Variants in PCNX2 observed in about 807,000 individuals in gnomAD.
PCNX2 encodes the protein pecanex 2, also known as pecanex-like protein 2.
A neutral mutation model predicts 223.8 loss-of-function variants in PCNX2; 168 were observed. The observed-to-expected ratio is 0.75, with a 90% CI of 0.66 to 0.85. The LOEUF (loss-of-function observed/expected upper bound fraction) is 0.85, where lower values mean the gene tolerates loss of function less well. Among genes scored for constraint, PCNX2 ranks in the 40% least tolerant of loss-of-function variants. PCNX2 has a pLI of 0.00. For missense variants in PCNX2, 2,507 were observed against 2,675.5 expected (o/e 0.94, Z 1.39); for synonymous variants, 1,006 against 1,052.6 (o/e 0.96, Z 0.86).
chr1:233,295,038 G>A lies in PCNX2; in HGVS notation c.153+288C>T, dbSNP rs138972087. On this transcript the variant is annotated intron_variant, in intron 1 of 33. Coordinates refer to ENST00000258229, the MANE Select transcript of PCNX2 (RefSeq NM_014801.4). This position sits in a 1 kb window ranked among gnomAD's most constrained non-coding sequence, Gnocchi z 4.1. ...GAGTTACCCACCTACAAAACAGGCT[G>A]CACGCTCCCTGCCACAAGCAGAGTG... Among the ~76,000 whole-genome samples the A allele has an allele frequency of 1.0e-3, 158 of 152,168 alleles. 1 individual carries two copies. The highest frequency in any genetic ancestry group is 3.7e-3 in the African/African-American group (152 of 41,508).
chr1:233,086,553 C>T (rs1312965289), intron 23 of PCNX2, among the ~76,000 whole-genome samples: 2 of 151,748 alleles, frequency 1.3e-5, no homozygotes, highest in African/African-American at 2.4e-5. Context: ...CACCTATAGT[C>T]CCAGCTACTC....
Position 233,068,099 on chromosome 1 carries a change from A to G in PCNX2, c.4077-10809T>C, listed in dbSNP as rs561327305. Among the ~76,000 whole-genome samples, 12 of 152,314 alleles carry G rather than the reference A, an allele frequency of 7.9e-5. No individual in the cohort carries two copies. In the South Asian group the frequency reaches 2.5e-3, roughly 32 times the overall value. On this transcript the variant is annotated intron_variant, in intron 23 of 33. Transcript: ENST00000258229. The stretch of plus-strand genomic sequence containing the variant: ...AAGAAACACCTTATCTAAAAAGGAA[A>G]AATTCTGAATTATTGCAGATTTCTT...
chr1:233,130,782 A>AC lies in PCNX2; in HGVS notation c.3837+4230dup, dbSNP rs535216587. 9.0e-3 allele frequency among the ~76,000 whole-genome samples: 1,284 copies of AC among 142,044 alleles called. 6 individuals are homozygous for AC. Among genetic ancestry groups the AC allele is most frequent in the African/African-American group, 0.019 (716 of 38,124 alleles). 93.2% of individuals were successfully genotyped at this position (142,044 alleles called of 152,430 possible). Reference sequence around the variant, plus strand: ...ACAGGTGTGTGCCACTGTGCCCGGCACCCCCCCCTTTTTTTTTTATTCCAG... The same window carrying AC: ...ACAGGTGTGTGCCACTGTGCCCGGCACCCCCCCCCTTTTTTTTTTATTCCAG... On this transcript the variant is annotated intron_variant, in intron 21 of 33. Coordinates refer to ENST00000258229, the MANE Select transcript of PCNX2 (RefSeq NM_014801.4).
At chr1:233,246,276 G>A (rs1218145983) in intron 8 of PCNX2, among the ~76,000 whole-genome samples, 4 of 152,054 alleles carry the variant, frequency 2.6e-5, no homozygotes, top group African/African-American at 9.7e-5. Context: ...CAGATGGGAT[G>A]AATGCCCTCT....
intron 21 of PCNX2, among the ~76,000 whole-genome samples, chr1:233,130,908 G>A (rs1676466456): frequency 6.6e-6 from 1 of 152,076 alleles, no homozygotes; most frequent in Non-Finnish European, 1.5e-5. Flanking sequence ...ATGAGGGCAG[G>A]GCCTGGGCCC....
At chr1:233,318,561 TTC>T in the PCNX2 span, among the ~76,000 whole-genome samples, 150 of 112,942 alleles carry the variant, frequency 1.3e-3, 1 homozygote, top group African/African-American at 4.6e-3. Context: ...CTTTTTCTTT[TTC>T]TTTTTTTTTT....
At chr1:233,092,315 T>C (rs888837732) in intron 22 of PCNX2, among the ~76,000 whole-genome samples, 1 of 152,346 alleles carries the variant, frequency 6.6e-6, no homozygotes, top group Middle Eastern at 3.4e-3. Context: ...TAAGTCTGTC[T>C]AATTTTTAGA....
At chr1:232,997,614 C>T (rs1357521628) in intron 32 of PCNX2, among the ~76,000 whole-genome samples, 1 of 152,228 alleles carries the variant, frequency 6.6e-6, no homozygotes, top group Non-Finnish European at 1.5e-5. Context: ...GTCCAACCAC[C>T]TCCTCCCCAG....
intron 19 of PCNX2, among the ~76,000 whole-genome samples, chr1:233,151,874 C>T (rs1200431666): frequency 5.3e-5 from 8 of 152,180 alleles, no homozygotes; most frequent in Admixed American, 4.6e-4. Context: ...GGGGTACAGG[C>T]GTGAGCCACT....
chr1:233,142,595 C>G (rs1677194689), intron 19 of PCNX2, among the ~76,000 whole-genome samples: 1 of 152,200 alleles, frequency 6.6e-6, no homozygotes. Context: ...CTGGCCTTTT[C>G]TGTACTTCTC....
chr1:233,296,090 G>A (rs1257763435), upstream of PCNX2, among the ~76,000 whole-genome samples: 1 of 150,284 alleles, frequency 6.7e-6, no homozygotes, highest in Non-Finnish European at 1.5e-5. Context: ...CATGCAGAAG[G>A]CACAGACCCA....
chr1:233,295,402 T>C lies in PCNX2; in HGVS notation c.77A>G (p.Glu26Gly). The part of the protein sequence containing the change: ...ALTGGWYHDP[E>G]QSKFTNSCHL... ...GCAGCTGTTGGTGAACTTGCTCTGC[T>C]CCGGGTCGTGGTACCAGCCCCCGGT... Residue 26 changes from glutamate to glycine, a missense_variant, in exon 1 of 34, where the codon GAG (glutamate) becomes GGG (glycine). By Grantham distance (98) the Glu-to-Gly change is moderately conservative (BLOSUM62 -2). Around this residue, in one of 3 missense-constraint regions of PCNX2, gnomAD observed 1,031 missense variants for 1,021.7 expected, o/e 1.01. Coordinates refer to ENST00000258229, the MANE Select transcript of PCNX2 (RefSeq NM_014801.4). The surrounding 1 kb of genome is among the most constrained non-coding windows in gnomAD (Gnocchi z 4.1). 6.4e-7 allele frequency: 1 copy of C among 1,554,098 alleles called. No homozygotes were observed. Among genetic ancestry groups the C allele is most frequent in the Non-Finnish European group, 8.7e-7 (1 of 1,148,428 alleles).
At chr1:233,189,941 TTA>T (rs1680322959) in intron 15 of PCNX2, among the ~76,000 whole-genome samples, 1 of 152,212 alleles carries the variant, frequency 6.6e-6, no homozygotes, top group South Asian at 2.1e-4. Context: ...GGGAGTCCAT[TTA>T]TATGTTACTT....
chr1:233,034,010 G>A (rs111523236), intron 25 of PCNX2, among the ~76,000 whole-genome samples: 7,323 of 152,100 alleles, frequency 0.048, 574 homozygotes, highest in African/African-American at 0.16. Flanking sequence ...TCAAGAGATC[G>A]AGACCATCCT....
chr1:233,106,091 G>C (rs1455056631), intron 21 of PCNX2, among the ~76,000 whole-genome samples: 1 of 152,146 alleles, frequency 6.6e-6, no homozygotes, highest in East Asian at 1.9e-4. Context: ...AGTGACTGAC[G>C]AGGGAGAGAT....
intron 19 of PCNX2, among the ~76,000 whole-genome samples, chr1:233,153,053 A>C (rs1353756442): frequency 6.6e-6 from 1 of 152,226 alleles, no homozygotes; most frequent in East Asian, 1.9e-4. Context: ...CTTTCTGCAG[A>C]GAAAAACCTA....
intron 1 of PCNX2, among the ~76,000 whole-genome samples, chr1:233,281,309 T>A (rs931938194): frequency 6.6e-6 from 1 of 152,208 alleles, no homozygotes; most frequent in Non-Finnish European, 1.5e-5. Flanking sequence ...TGTCTATTGA[T>A]AGGGAACTAT....
rs770909939 is a variant in PCNX2 at position 233,258,558 on chromosome 1, A to T, written c.1304T>A (p.Leu435Gln). Reference protein sequence around the residue: ...QISIPVITLDLPEGGGGGVPC... With the variant: ...QISIPVITLDQPEGGGGGVPC... ...AACACCTCCTCCCCCACCCTCAGGC[A>T]GGTCCAGGGTGATTACAGGAATTGA... is the stretch of plus-strand genomic sequence containing the variant. The change falls in exon 5 of 34, where the codon CTG (leucine) becomes CAG (glutamine). Residue 435 changes from leucine (L) to glutamine (Q), a missense_variant. By Grantham distance (113) the Leu-to-Gln change is moderately radical. Transcript: ENST00000258229. The T allele has an allele frequency of 5.6e-6, 9 of 1,613,924 alleles. No individual in the cohort carries two copies. The highest frequency in any genetic ancestry group is 7.6e-6 in the Non-Finnish European group (9 of 1,179,868).
chr1:233,147,874 A>G (rs1156903946), intron 19 of PCNX2, among the ~76,000 whole-genome samples: 2 of 152,246 alleles, frequency 1.3e-5, no homozygotes, highest in Non-Finnish European at 2.9e-5. Context: ...ATAGCTATAA[A>G]GGAGCTCTAC....
Sources: gnomAD v4.1 joint callset for allele counts (sites outside exome capture counted in the v4.1 genomes callset) on GRCh38, gnomAD v4.1.1 for gene constraint, gnomAD v4.1.1 regional missense constraint, Gnocchi (gnomAD v3.1) non-coding constraint, MANE v1.5 for transcripts, NCBI Gene and HGNC (gene_info 2026-07-23, HGNC 2026-07-21) for gene names.